Variants in GATAD2B observed in about 807,000 individuals in gnomAD.
GATAD2B encodes the protein transcriptional repressor p66-beta.
Under a neutral mutation model 64.3 loss-of-function variants are expected in GATAD2B, and 8 were observed. The observed-to-expected ratio is 0.12, with a 90% confidence interval of 0.07 to 0.22. GATAD2B has a LOEUF of 0.22. Among genes scored for constraint, GATAD2B ranks in the 10% least tolerant of loss-of-function variants. The pLI is 1.00. For missense variants in GATAD2B, 453 were observed against 752.0 expected, an observed-to-expected ratio of 0.60 and a Z score of 4.65; for synonymous variants, 281 against 271.3, an observed-to-expected ratio of 1.04 and a Z score of -0.35.
At position 153,889,693 on chromosome 1, in the gene GATAD2B, A is replaced by G. The variant is rs559991163; in HGVS notation, c.-2+33040T>C. 3.8e-6 allele frequency: 3 copies of G among 795,424 alleles called. No homozygotes were observed. The South Asian group carries it at 1.7e-4, about 46-fold the overall frequency. 49.3% of individuals were successfully genotyped at this position (795,424 alleles called of 1,614,324 possible). A position where few individuals can be genotyped will look rare whatever the true frequency, so the allele number is the denominator to read the frequency against. The stretch of plus-strand genomic sequence containing the variant: ...ATACACTCACATGTTACTTATTTTC[A>G]TATGTTCTCTGTATTTTCAACATTA... On this transcript the variant is annotated intron_variant, in intron 1 of 10. Coordinates refer to ENST00000368655, the MANE Select transcript of GATAD2B (RefSeq NM_020699.4).
chr1:153,857,197 G>A (rs1375745460), intron 1 of GATAD2B, among the ~76,000 whole-genome samples: 1 of 151,818 alleles, frequency 6.6e-6, no homozygotes, highest in Non-Finnish European at 1.5e-5. Flanking sequence ...GCAATGCCCA[G>A]CACTTTAGGA....
rs375546785 is a variant in GATAD2B, at chr1:153,894,733, G to A, written c.-2+28000C>T. ...AAAAATTAGCCAGGCATGGTGGCAC[G>A]CGCCTGCAGTCCCAGCTACTTGGCA... On this transcript the variant is annotated intron_variant, in intron 1 of 10. Transcript: ENST00000368655. Among the ~76,000 whole-genome samples the A allele has an allele frequency of 4.1e-3, 621 of 151,776 alleles. 5 individuals are homozygous for A. Among genetic ancestry groups the A allele is most frequent in the African/African-American group, 0.014 (578 of 41,398 alleles).
At chr1:153,829,416 T>C (rs945242088) in intron 1 of GATAD2B, among the ~76,000 whole-genome samples, 2 of 152,184 alleles carry the variant, frequency 1.3e-5, no homozygotes, top group African/African-American at 4.8e-5. Context: ...TTCAATTTCA[T>C]TTGTAAAAAT....
At chr1:153,856,565 T>G (rs1676087497) in intron 1 of GATAD2B, among the ~76,000 whole-genome samples, 1 of 152,038 alleles carries the variant, frequency 6.6e-6, no homozygotes, top group Non-Finnish European at 1.5e-5. Context: ...ATTTAAAACT[T>G]TAAGATTAAA....
At chr1:153,908,613 C>T (rs1377197727) in intron 1 of GATAD2B, among the ~76,000 whole-genome samples, 1 of 150,974 alleles carries the variant, frequency 6.6e-6, no homozygotes, top group African/African-American at 2.4e-5. Context: ...GGATTAGAAG[C>T]ATGTGCCACC....
rs1209473831 is a variant in GATAD2B, at chr1:153,804,784, T to C, written c.*5393A>G. On this transcript the variant is annotated 3_prime_UTR_variant, in exon 11 of 11. Transcript: ENST00000368655. The stretch of plus-strand genomic sequence containing the variant: ...CTTGCAAGTGATAAATATTACAAAG[T>C]TTTTTTTTCTTTTAATCCTTTCTCC... 1 of 151,952 alleles carries C rather than the reference T, an allele frequency of 6.6e-6. No individual in the cohort carries two copies. The highest frequency in any genetic ancestry group is 1.5e-5 in the Non-Finnish European group (1 of 67,850). The allele number at this position is 151,952 out of a possible 1,614,324, so 9.4% of individuals were successfully genotyped here. A position where few individuals can be genotyped will look rare whatever the true frequency, so the allele number is the denominator to read the frequency against.
intron 1 of GATAD2B, among the ~76,000 whole-genome samples, chr1:153,908,482 C>CT (rs35572683): frequency 2.0e-3 from 298 of 146,568 alleles, no homozygotes; most frequent in Non-Finnish European, 3.0e-3. Flanking sequence ...CAGAAACATA[C>CT]TTTTTTTTTT....
chr1:153,847,124 A>G (rs958332372), intron 1 of GATAD2B, among the ~76,000 whole-genome samples: 1 of 151,078 alleles, frequency 6.6e-6, no homozygotes, highest in African/African-American at 2.4e-5. Flanking sequence ...GCACCACCAC[A>G]CCTGGCTAGT....
intron 1 of GATAD2B, among the ~76,000 whole-genome samples, chr1:153,834,416 C>T (rs1039797558): frequency 5.9e-5 from 9 of 151,676 alleles, no homozygotes; most frequent in Non-Finnish European, 1.2e-4. Context: ...TTTTTTAAGA[C>T]GGAGTTTTGC....
intron 2 of GATAD2B, among the ~76,000 whole-genome samples, chr1:153,820,920 C>T (rs1045189787): frequency 1.3e-5 from 2 of 150,172 alleles, no homozygotes; most frequent in Non-Finnish European, 2.9e-5. Flanking sequence ...GATCACAGAT[C>T]GCTAGCTGTC....
chr1:153,921,831 T>TA (rs1268461670), intron 1 of GATAD2B: 2 of 152,236 alleles, frequency 1.3e-5, no homozygotes, highest in African/African-American at 4.8e-5. Flanking sequence ...CCAAAGAGGC[T>TA]ACCATACCTT....
rs1678502919 is a variant in GATAD2B, at chr1:153,922,847, A to G, written c.-116T>C. 2.1e-5 allele frequency: 1 copy of G among 47,976 alleles called. No individual in the cohort carries two copies. Among genetic ancestry groups the G allele is most frequent in the East Asian group, 6.4e-4 (1 of 1,556 alleles). 3.0% of individuals were successfully genotyped at this position (47,976 alleles called of 1,614,324 possible). A position where few individuals can be genotyped will look rare whatever the true frequency, so the allele number is the denominator to read the frequency against. On this transcript the variant is annotated 5_prime_UTR_variant, in exon 1 of 11. Coordinates refer to ENST00000368655, the MANE Select transcript of GATAD2B (RefSeq NM_020699.4). Reference sequence around the variant, plus strand: ...CCAGACCCTGCTGACGGGACTAGGGACGGGGGTAGGGGAGGGGGGCGGGCC... The same window carrying G: ...CCAGACCCTGCTGACGGGACTAGGGGCGGGGGTAGGGGAGGGGGGCGGGCC...
chr1:153,883,599 C>A (rs1256401193), intron 1 of GATAD2B, among the ~76,000 whole-genome samples: 1 of 152,212 alleles, frequency 6.6e-6, no homozygotes, highest in Non-Finnish European at 1.5e-5. Flanking sequence ...CTGAAGCTCA[C>A]TAGTTCCATG....
At chr1:153,918,142 G>A (rs544784693) in intron 1 of GATAD2B, among the ~76,000 whole-genome samples, 6 of 152,264 alleles carry the variant, frequency 3.9e-5, no homozygotes, top group African/African-American at 1.2e-4. Flanking sequence ...GATGACAGCC[G>A]ATCAAAAATG....
chr1:153,861,795 A>AATATATAT (rs1553194157), intron 1 of GATAD2B, among the ~76,000 whole-genome samples: 1 of 98,550 alleles, frequency 1.0e-5, no homozygotes, highest in Non-Finnish European at 2.0e-5. Flanking sequence ...AAAAAAAAAA[A>AATATATAT]ATATATATAT....
intron 1 of GATAD2B, among the ~76,000 whole-genome samples, chr1:153,867,744 TAAC>T (rs1474833699): frequency 6.6e-6 from 1 of 151,518 alleles, no homozygotes. Context: ...TCTGTAATCT[TAAC>T]TACTCAGGAG....
chr1:153,861,148 G>A (rs966419504), intron 1 of GATAD2B, among the ~76,000 whole-genome samples: 2 of 152,078 alleles, frequency 1.3e-5, no homozygotes, highest in African/African-American at 4.8e-5. Flanking sequence ...TAACAGAAAC[G>A]GATCCATATA....
At chr1:153,893,844 G>A (rs1298949764) in intron 1 of GATAD2B, among the ~76,000 whole-genome samples, 1 of 148,882 alleles carries the variant, frequency 6.7e-6, no homozygotes, top group Non-Finnish European at 1.5e-5. Context: ...CGTAATCCCA[G>A]CTACTCAGGA....
intron 1 of GATAD2B, among the ~76,000 whole-genome samples, chr1:153,917,664 G>A (rs1678314570): frequency 6.6e-6 from 1 of 152,096 alleles, no homozygotes; most frequent in South Asian, 2.1e-4. Flanking sequence ...CAAAGTGCTG[G>A]GATTACAGGC....
Sources: gnomAD v4.1 joint callset for allele counts (sites outside exome capture counted in the v4.1 genomes callset) on GRCh38, gnomAD v4.1.1 for gene constraint, MANE v1.5 for transcripts, NCBI Gene and HGNC (gene_info 2026-07-23, HGNC 2026-07-21) for gene names.